Variants in ERC1 observed in about 807,000 individuals in gnomAD.
ERC1 encodes the protein RAB6 interacting protein 2.
In ERC1, 56 loss-of-function variants were observed where a neutral mutation model predicts 132.0. That is an observed-to-expected ratio of 0.42 (90% CI 0.34 to 0.53). The LOEUF is 0.53. Among genes scored for constraint, ERC1 ranks in the 20% least tolerant of loss-of-function variants. The pLI is 0.03. For missense variants in ERC1, 1,202 were observed against 1,349.9 expected, an observed-to-expected ratio of 0.89 and a Z score of 1.72; for synonymous variants, 478 against 476.1, an observed-to-expected ratio of 1.00 and a Z score of -0.05.
chr12:1,372,289 T>A (rs568779099), intron 16 of ERC1, among the ~76,000 whole-genome samples: 7 of 152,188 alleles, frequency 4.6e-5, no homozygotes, highest in East Asian at 3.9e-4. Flanking sequence ...CTTTTTTTTT[T>A]AAACATCCAG....
intron 12 of ERC1, among the ~76,000 whole-genome samples, chr12:1,205,411 GTGTATA>G (rs986065491): frequency 7.1e-6 from 1 of 141,656 alleles, no homozygotes; most frequent in African/African-American, 2.6e-5. Flanking sequence ...GTGTGTGTGT[GTGTATA>G]TATATATATA....
Position 1,058,114 on chromosome 12 carries a change from G to T in ERC1, c.670-25050G>T, listed in dbSNP as rs1351876229. 2.6e-5 allele frequency among the ~76,000 whole-genome samples: 4 copies of T among 151,904 alleles called. No individual in the cohort carries two copies. In the East Asian group the frequency reaches 7.7e-4, roughly 29 times the overall value. On this transcript the variant is annotated intron_variant, in intron 2 of 18. Transcript: ENST00000360905. ...CTTCTCGGATGCATAGTTTGCAGAT[G>T]TTTTCTCTCATTCTGCAGATTGTCT... is the stretch of plus-strand genomic sequence containing the variant.
chr12:1,298,552 AAAAAC>A (rs1338441468), intron 15 of ERC1, among the ~76,000 whole-genome samples: 3 of 147,814 alleles, frequency 2.0e-5, no homozygotes, highest in South Asian at 4.3e-4. Flanking sequence ...CAAAAAAAAA[AAAAAC>A]AAACAAACAA....
At chr12:1,236,085 C>T (rs985272101) in intron 12 of ERC1, among the ~76,000 whole-genome samples, 1 of 151,978 alleles carries the variant, frequency 6.6e-6, no homozygotes, top group Non-Finnish European at 1.5e-5. Flanking sequence ...AATTATTTAT[C>T]TTTATAAAGC....
chr12:1,288,171 A>C (rs1028519027), intron 14 of ERC1, among the ~76,000 whole-genome samples: 2 of 152,266 alleles, frequency 1.3e-5, no homozygotes, highest in Non-Finnish European at 2.9e-5. Context: ...ATAAAATTTT[A>C]CATGAATTAA....
intron 17 of ERC1, among the ~76,000 whole-genome samples, chr12:1,415,948 A>G (rs2092099076): frequency 6.6e-6 from 1 of 152,208 alleles, no homozygotes; most frequent in Non-Finnish European, 1.5e-5. Flanking sequence ...TATCTCATAC[A>G]GGGCTCATAG....
chr12:1,402,881 A>T (rs1223161061), intron 16 of ERC1, among the ~76,000 whole-genome samples: 1 of 152,180 alleles, frequency 6.6e-6, no homozygotes, highest in Non-Finnish European at 1.5e-5. Context: ...GTCTGCTTTT[A>T]TTCTGGTTAA....
intron 16 of ERC1, among the ~76,000 whole-genome samples, chr12:1,375,908 T>C (rs1310139597): frequency 1.3e-5 from 2 of 152,042 alleles, no homozygotes; most frequent in African/African-American, 4.8e-5. Flanking sequence ...GGCTAATTTT[T>C]TGTATTTTTA....
intron 8 of ERC1, among the ~76,000 whole-genome samples, chr12:1,156,468 A>G (rs1481832712): frequency 1.3e-5 from 2 of 152,006 alleles, no homozygotes; most frequent in African/African-American, 4.8e-5. Context: ...CGAACTCCTG[A>G]CCTCATGATC....
At chr12:1,450,157 ATTGT>A (rs1161343859) in intron 18 of ERC1, among the ~76,000 whole-genome samples, 1 of 151,998 alleles carries the variant, frequency 6.6e-6, no homozygotes, top group Non-Finnish European at 1.5e-5. Flanking sequence ...ATCTTTTTTT[ATTGT>A]TTATTGTGCT....
intron 8 of ERC1, among the ~76,000 whole-genome samples, chr12:1,158,902 C>G (rs1028526813): frequency 2.0e-5 from 3 of 151,974 alleles, no homozygotes; most frequent in African/African-American, 7.3e-5. Flanking sequence ...TTCAGAGATA[C>G]AAAAATGTAT....
chr12:1,367,490 A>G (rs2086773087), intron 15 of ERC1, among the ~76,000 whole-genome samples: 1 of 152,182 alleles, frequency 6.6e-6, no homozygotes, highest in Non-Finnish European at 1.5e-5. Flanking sequence ...ACACACACAC[A>G]TACTTAGGAC....
At chr12:1,212,560 T>C in intron 12 of ERC1, among the ~76,000 whole-genome samples, 1 of 152,200 alleles carries the variant, frequency 6.6e-6, no homozygotes, top group East Asian at 1.9e-4. Context: ...TTTTTCTTAG[T>C]TCAGCTAAAG....
chr12:1,120,131 A>G (rs960561199), intron 7 of ERC1, among the ~76,000 whole-genome samples: 45 of 151,962 alleles, frequency 3.0e-4, no homozygotes, highest in African/African-American at 9.7e-4. Flanking sequence ...AGGACTACAG[A>G]TGCAGGCCAC....
intron 1 of ERC1, among the ~76,000 whole-genome samples, chr12:1,016,450 C>G (rs1171463904): frequency 6.6e-6 from 1 of 152,106 alleles, no homozygotes; most frequent in Non-Finnish European, 1.5e-5. Flanking sequence ...TCTGCAGTTG[C>G]ATGTTATGCT....
At chr12:1,141,827 A>T in intron 8 of ERC1, 40 bp downstream of exon 8, 1 of 1,442,456 alleles carries the variant, frequency 6.9e-7, no homozygotes, top group Non-Finnish European at 9.3e-7. Context: ...CCCATTCCTC[A>T]TACATCTTCA....
intron 8 of ERC1, among the ~76,000 whole-genome samples, chr12:1,170,260 C>CA (rs1284858400): frequency 1.3e-5 from 2 of 152,064 alleles, no homozygotes; most frequent in Non-Finnish European, 2.9e-5. Context: ...GTGGATAGAC[C>CA]ATATTTAATT....
At chr12:1,151,716 A>G (rs1232942323) in intron 8 of ERC1, 2 of 149,754 alleles carry the variant, frequency 1.3e-5, no homozygotes, top group Admixed American at 6.7e-5. Flanking sequence ...GCTGTTGACA[A>G]ATTTCAGTCC....
intron 2 of ERC1, among the ~76,000 whole-genome samples, chr12:1,073,736 G>A (rs1232949068): frequency 6.6e-6 from 1 of 152,188 alleles, no homozygotes; most frequent in African/African-American, 2.4e-5. Flanking sequence ...ATTATGTACT[G>A]TATATAATTG....
Sources: gnomAD v4.1 joint callset for allele counts (sites outside exome capture counted in the v4.1 genomes callset) on GRCh38, gnomAD v4.1.1 for gene constraint, MANE v1.5 for transcripts, NCBI Gene and HGNC (gene_info 2026-07-23, HGNC 2026-07-21) for gene names.